IMMP2L: variants seen among roughly 807,000 people sequenced by gnomAD.
IMMP2L encodes the protein mitochondrial inner membrane protease subunit 2.
IMMP2L carries 18 observed loss-of-function variants against 19.3 expected under a neutral mutation model. That is an observed-to-expected ratio of 0.93 (90% CI 0.64 to 1.38). The LOEUF (loss-of-function observed/expected upper bound fraction) is 1.38. Ranked by LOEUF, IMMP2L falls within the 40% of genes most tolerant of loss-of-function variation. The probability of loss-of-function intolerance (pLI) is 0.00; values close to 1 mark genes in which losing one functional copy is unlikely to be tolerated. For synonymous variants in IMMP2L, 76 were observed against 73.0 expected, an observed-to-expected ratio of 1.04 and a Z score of -0.21; for missense variants, 233 against 218.2, an observed-to-expected ratio of 1.07 and a Z score of -0.43.
intron 3 of IMMP2L, among the ~76,000 whole-genome samples, chr7:111,346,964 A>C (rs941184833): frequency 1.3e-5 from 2 of 152,164 alleles, no homozygotes; most frequent in African/African-American, 4.8e-5. Context: ...AACTGTGATA[A>C]TAGATGGCAG....
At chr7:111,542,786 T>A (rs1411629359) in intron 1 of IMMP2L, among the ~76,000 whole-genome samples, 1 of 152,178 alleles carries the variant, frequency 6.6e-6, no homozygotes, top group African/African-American at 2.4e-5. Flanking sequence ...AAAGTCTATA[T>A]GGAACATCAA....
At position 111,432,718 on chromosome 7, in the gene IMMP2L, C is replaced by T. The variant is rs563815429; in HGVS notation, c.239+54520G>A. On this transcript the variant is annotated intron_variant, in intron 3 of 5. Transcript: ENST00000405709. Reference sequence around the variant, plus strand: ...ATCATACTGGAAGTTCTCACTAGAGCAATCAGGCAAGAGAAAATATTCAAA... The same window carrying T: ...ATCATACTGGAAGTTCTCACTAGAGTAATCAGGCAAGAGAAAATATTCAAA... Among the ~76,000 whole-genome samples, 5 of 151,356 alleles carry T rather than the reference C, an allele frequency of 3.3e-5. No individual in the cohort carries two copies. In the East Asian group the frequency reaches 5.8e-4, roughly 18 times the overall value.
chr7:111,034,451 G>A (rs1242982424), intron 3 of IMMP2L, among the ~76,000 whole-genome samples: 2 of 152,030 alleles, frequency 1.3e-5, no homozygotes, highest in Non-Finnish European at 2.9e-5. Context: ...GTCTTAAGAG[G>A]TGATTAGAAT....
chr7:110,995,927 C>T (rs1465531186), intron 3 of IMMP2L, among the ~76,000 whole-genome samples: 1 of 151,950 alleles, frequency 6.6e-6, no homozygotes, highest in Non-Finnish European at 1.5e-5. Flanking sequence ...TTCATAATAC[C>T]CTGACATAAG....
At chr7:110,792,233 C>T (rs111697205) in intron 5 of IMMP2L, among the ~76,000 whole-genome samples, 11 of 151,596 alleles carry the variant, frequency 7.3e-5, no homozygotes, top group African/African-American at 2.4e-4. Flanking sequence ...TTCTCAGAAT[C>T]TAATTTTCTT....
intron 3 of IMMP2L, among the ~76,000 whole-genome samples, chr7:111,281,156 CAGAA>C (rs1157660179): frequency 0.043 from 2,868 of 67,186 alleles, 73 homozygotes; most frequent in South Asian, 0.069. Context: ...GACAGAAAGA[CAGAA>C]AGAAAGAAAG....
At chr7:111,452,140 T>C (rs1839264366) in intron 3 of IMMP2L, among the ~76,000 whole-genome samples, 1 of 152,170 alleles carries the variant, frequency 6.6e-6, no homozygotes, top group African/African-American at 2.4e-5. Context: ...TGCAGGTTTA[T>C]AGTCTAATTT....
chr7:111,192,300 A>C (rs1808969472), intron 3 of IMMP2L, among the ~76,000 whole-genome samples: 1 of 152,166 alleles, frequency 6.6e-6, no homozygotes. Flanking sequence ...AAAATACTAC[A>C]CCATGATATA....
chr7:111,217,131 C>CACAA (rs1381189206), intron 3 of IMMP2L, among the ~76,000 whole-genome samples: 152 of 148,414 alleles, frequency 1.0e-3, no homozygotes, highest in African/African-American at 3.5e-3. Flanking sequence ...CTCTCTCACA[C>CACAA]ACACACACAC....
intron 3 of IMMP2L, among the ~76,000 whole-genome samples, chr7:111,113,738 C>T (rs1799515230): frequency 6.6e-6 from 1 of 152,112 alleles, no homozygotes; most frequent in Admixed American, 6.5e-5. Flanking sequence ...AACCATTGTA[C>T]TGCAAGGCAC....
intron 3 of IMMP2L, among the ~76,000 whole-genome samples, chr7:111,089,672 T>A (rs1403059261): frequency 6.6e-6 from 1 of 152,030 alleles, no homozygotes; most frequent in African/African-American, 2.4e-5. Context: ...TACTAGAGTA[T>A]CCAGTAAATA....
At chr7:111,538,730 A>G (rs1225394651) in intron 1 of IMMP2L, among the ~76,000 whole-genome samples, 2 of 146,850 alleles carry the variant, frequency 1.4e-5, no homozygotes, top group Non-Finnish European at 3.0e-5. Flanking sequence ...GGATCACTTG[A>G]GCCAAGGAGA....
chr7:110,902,068 A>T (rs1418534917), intron 4 of IMMP2L, among the ~76,000 whole-genome samples: 1 of 152,088 alleles, frequency 6.6e-6, no homozygotes, highest in Non-Finnish European at 1.5e-5. Context: ...GTAAGGTAGA[A>T]TTCTATCAAG....
In IMMP2L at chr7:110,768,659, TA is replaced by T. The variant is rs575447477; in HGVS notation, c.409-104939del. Among the ~76,000 whole-genome samples the T allele has an allele frequency of 2.1e-4, 32 of 152,306 alleles. No individual in the cohort carries two copies. In the South Asian group the frequency reaches 5.4e-3, roughly 26 times the overall value. On this transcript the variant is annotated intron_variant, in intron 5 of 5. Coordinates refer to ENST00000405709, the MANE Select transcript of IMMP2L (RefSeq NM_032549.4). ...CCTCCCTCCCGGGCCAGCTTCCGCTTATCCTATGGACCTCTCAGTGCAGACA... is the reference window on the plus strand; with the variant it reads ...CCTCCCTCCCGGGCCAGCTTCCGCTTTCCTATGGACCTCTCAGTGCAGACA...
intron 3 of IMMP2L, among the ~76,000 whole-genome samples, chr7:111,269,753 T>G (rs983527801): frequency 2.0e-5 from 3 of 152,078 alleles, no homozygotes; most frequent in Non-Finnish European, 4.4e-5. Context: ...AGCCCCAGTA[T>G]CCTATCTAAA....
intron 3 of IMMP2L, among the ~76,000 whole-genome samples, chr7:111,427,019 A>T (rs1836146459): frequency 6.6e-6 from 1 of 151,128 alleles, no homozygotes; most frequent in African/African-American, 2.4e-5. Flanking sequence ...TCATTGCATT[A>T]CTGATCACTT....
chr7:111,016,938 T>TA (rs1825762051), intron 3 of IMMP2L, among the ~76,000 whole-genome samples: 1 of 109,670 alleles, frequency 9.1e-6, no homozygotes, highest in Non-Finnish European at 1.7e-5. Flanking sequence ...TACTAATATA[T>TA]ATTACATATA....
intron 3 of IMMP2L, among the ~76,000 whole-genome samples, chr7:111,185,437 C>T (rs991754166): frequency 4.6e-5 from 7 of 152,034 alleles, no homozygotes; most frequent in African/African-American, 7.3e-5. Context: ...AAAATATACC[C>T]GGAGAAATTC....
At chr7:111,331,597 T>C (rs1485811347) in intron 3 of IMMP2L, among the ~76,000 whole-genome samples, 1 of 151,938 alleles carries the variant, frequency 6.6e-6, no homozygotes, top group Non-Finnish European at 1.5e-5. Flanking sequence ...ATTTGAGGTA[T>C]TGAATATGTT....
Sources: allele counts gnomAD v4.1 joint callset (sites outside exome capture counted in the v4.1 genomes callset), GRCh38; gene constraint gnomAD v4.1.1; transcripts MANE v1.5; gene names NCBI Gene and HGNC (gene_info 2026-07-23, HGNC 2026-07-21).